The following MDGA2 variants were observed in gnomAD, a reference collection of about 807,000 sequenced individuals.
MDGA2 encodes the protein MAM domain-containing glycosylphosphatidylinositol anchor protein 2.
In MDGA2, 40 loss-of-function variants were observed where a neutral mutation model predicts 117.8. That is an observed-to-expected ratio of 0.34 (90% CI 0.26 to 0.44). The LOEUF is 0.44. Among genes scored for constraint, MDGA2 ranks in the 20% least tolerant of loss-of-function variants. MDGA2 has a pLI of 1.00. For synonymous variants in MDGA2, 452 were observed against 439.0 expected, an observed-to-expected ratio of 1.03 and a Z score of -0.37; for missense variants, 1,123 against 1,250.6, an observed-to-expected ratio of 0.90 and a Z score of 1.54.
intron 9 of MDGA2, among the ~76,000 whole-genome samples, chr14:46,953,592 C>A (rs1374205901): frequency 1.3e-5 from 2 of 151,366 alleles, no homozygotes; most frequent in Non-Finnish European, 2.9e-5. Flanking sequence ...AACAAAAAAG[C>A]TAAATATAAA....
intron 8 of MDGA2, among the ~76,000 whole-genome samples, chr14:46,977,802 T>C (rs1230953896): frequency 6.6e-6 from 1 of 151,528 alleles, no homozygotes; most frequent in Non-Finnish European, 1.5e-5. Context: ...ACAGCAGAAA[T>C]TGGGGAGATA....
At chr14:47,163,989 T>TG (rs1883755608) in intron 3 of MDGA2, among the ~76,000 whole-genome samples, 1 of 152,214 alleles carries the variant, frequency 6.6e-6, no homozygotes, top group Non-Finnish European at 1.5e-5. Context: ...CTCCATGTCA[T>TG]CTAGCTCACA....
chr14:46,924,188 A>G (rs1884238051), intron 9 of MDGA2, among the ~76,000 whole-genome samples: 1 of 152,030 alleles, frequency 6.6e-6, no homozygotes, highest in African/African-American at 2.4e-5. Flanking sequence ...AAATATCTAT[A>G]TAGAAAAAAT....
At chr14:47,098,793 A>T (rs1238796850) in intron 5 of MDGA2, among the ~76,000 whole-genome samples, 2 of 151,984 alleles carry the variant, frequency 1.3e-5, no homozygotes, top group Non-Finnish European at 2.9e-5. Flanking sequence ...CCCAAGGCCT[A>T]AAGGCCATTA....
At chr14:47,460,011 T>C (rs72687614) in intron 1 of MDGA2, among the ~76,000 whole-genome samples, 14,423 of 152,224 alleles carry the variant, frequency 0.095, 993 homozygotes, top group Non-Finnish European at 0.13. Flanking sequence ...AGTGGCTGTC[T>C]ACCTTAATTT....
At chr14:47,115,716 CATT>C (rs1178267485) in intron 5 of MDGA2, among the ~76,000 whole-genome samples, 1 of 151,886 alleles carries the variant, frequency 6.6e-6, no homozygotes, top group African/African-American at 2.4e-5. Flanking sequence ...GTAGAAAAAG[CATT>C]AGTCACAATT....
intron 1 of MDGA2, among the ~76,000 whole-genome samples, chr14:47,375,472 C>T (rs549406335): frequency 6.6e-5 from 10 of 152,140 alleles, no homozygotes; most frequent in African/African-American, 1.9e-4. Context: ...CTATTCCAAA[C>T]TGATGTACTC....
chr14:47,208,967 G>A (rs572333235), intron 3 of MDGA2, among the ~76,000 whole-genome samples: 159 of 152,094 alleles, frequency 1.0e-3, no homozygotes, highest in African/African-American at 3.7e-3. Flanking sequence ...ATGTATTCCT[G>A]AGAATACGTT....
intron 1 of MDGA2, among the ~76,000 whole-genome samples, chr14:47,318,141 G>A (rs1889864988): frequency 6.8e-6 from 1 of 146,930 alleles, no homozygotes; most frequent in Non-Finnish European, 1.5e-5. Flanking sequence ...CTATCCCATT[G>A]AATCTCCAGG....
intron 6 of MDGA2, among the ~76,000 whole-genome samples, chr14:47,084,115 C>T (rs1402443369): frequency 6.6e-6 from 1 of 152,128 alleles, no homozygotes; most frequent in African/African-American, 2.4e-5. Context: ...AGAATGCTTA[C>T]TCTTCTCAAG....
At chr14:46,955,528 T>C (rs1018587822) in intron 9 of MDGA2, among the ~76,000 whole-genome samples, 3 of 152,122 alleles carry the variant, frequency 2.0e-5, no homozygotes, top group African/African-American at 7.2e-5. Context: ...GCTTACTTTG[T>C]TCTTTTTCCT....
At chr14:47,320,001 T>A (rs1172993686) in intron 1 of MDGA2, among the ~76,000 whole-genome samples, 2 of 152,092 alleles carry the variant, frequency 1.3e-5, no homozygotes, top group Non-Finnish European at 2.9e-5. Flanking sequence ...GAATGCCATA[T>A]AAGCATTAAA....
intron 8 of MDGA2, among the ~76,000 whole-genome samples, chr14:46,974,306 C>G (rs1264707764): frequency 6.6e-6 from 1 of 152,034 alleles, no homozygotes; most frequent in Admixed American, 6.6e-5. Context: ...TACCCAAAGA[C>G]GTATGCAGAT....
intron 16 of MDGA2, among the ~76,000 whole-genome samples, chr14:46,844,294 A>G (rs1020967862): frequency 4.6e-5 from 7 of 152,090 alleles, no homozygotes; most frequent in Non-Finnish European, 1.0e-4. Context: ...AATGGCTGGC[A>G]AAAGGCCAGG....
chr14:47,312,688 GT>G (rs1186421912), intron 1 of MDGA2, among the ~76,000 whole-genome samples: 2 of 104,298 alleles, frequency 1.9e-5, no homozygotes, highest in Non-Finnish European at 3.9e-5. Context: ...TTTTTTTTTT[GT>G]TTTGTTTTGT....
intron 6 of MDGA2, among the ~76,000 whole-genome samples, chr14:47,081,380 C>G (rs1206572402): frequency 2.6e-5 from 4 of 151,976 alleles, no homozygotes; most frequent in Non-Finnish European, 4.4e-5. Flanking sequence ...CAAATATTTT[C>G]CAATTAAGTA....
intron 9 of MDGA2, among the ~76,000 whole-genome samples, chr14:46,932,240 C>T (rs1048689871): frequency 1.3e-5 from 2 of 151,534 alleles, no homozygotes; most frequent in Admixed American, 1.3e-4. Context: ...CTTCAATTTT[C>T]TTTTCCTAAA....
At chr14:46,938,436 G>A (rs532973333) in intron 9 of MDGA2, among the ~76,000 whole-genome samples, 1 of 149,812 alleles carries the variant, frequency 6.7e-6, no homozygotes, top group Non-Finnish European at 1.5e-5. Flanking sequence ...CTACTCGGGA[G>A]GGCTGAGGCA....
intron 14 of MDGA2, among the ~76,000 whole-genome samples, chr14:46,868,166 T>C (rs1417336411): frequency 6.6e-6 from 1 of 151,944 alleles, no homozygotes; most frequent in Non-Finnish European, 1.5e-5. Context: ...GTGATAAACA[T>C]TATGATAGGT....
Sources: gnomAD v4.1 joint callset for allele counts (sites outside exome capture counted in the v4.1 genomes callset) on GRCh38, gnomAD v4.1.1 for gene constraint, MANE v1.5 for transcripts, NCBI Gene and HGNC (gene_info 2026-07-23, HGNC 2026-07-21) for gene names.